Variants in NFIL3 observed in about 807,000 individuals in gnomAD.
The protein encoded by NFIL3 is nuclear factor, interleukin 3 regulated.
In NFIL3, 5 loss-of-function variants were observed where a neutral mutation model predicts 10.0. That is an observed-to-expected ratio of 0.50 (90% CI 0.26 to 1.06). The LOEUF (loss-of-function observed/expected upper bound fraction) is 1.06, where lower values mean the gene tolerates loss of function less well. Ranked by LOEUF, NFIL3 falls within the 50% of genes least tolerant of loss-of-function variation. The pLI is 0.13. For synonymous variants in NFIL3, 202 were observed against 206.5 expected (o/e 0.98, Z 0.19); for missense variants, 436 against 547.6 (o/e 0.80, Z 2.03).
At chr9:91,446,828 C>T in the NFIL3 span, among the ~76,000 whole-genome samples, 264 of 149,800 alleles carry the variant, frequency 1.8e-3, 1 homozygote, top group South Asian at 0.018. Context: ...CTTTCTTTCT[C>T]TCTTTCAATG....
upstream of NFIL3, among the ~76,000 whole-genome samples, chr9:91,424,120 C>T (rs1250578142): frequency 6.6e-6 from 1 of 151,802 alleles, no homozygotes; most frequent in Admixed American, 6.6e-5. Context: ...ACGAGTGTTG[C>T]GCAACGGCCC....
At chr9:91,436,386 G>A in the NFIL3 span, among the ~76,000 whole-genome samples, 2 of 152,092 alleles carry the variant, frequency 1.3e-5, no homozygotes, top group African/African-American at 2.4e-5. Flanking sequence ...AGACCATCCC[G>A]GCTAACACGG....
the NFIL3 span, among the ~76,000 whole-genome samples, chr9:91,437,843 T>C: frequency 6.6e-6 from 1 of 152,256 alleles, no homozygotes; most frequent in Non-Finnish European, 1.5e-5. Context: ...GGATCTCCTT[T>C]TTTAAAGGCA....
chr9:91,418,729 A>G (rs1203375304), intron 1 of NFIL3, among the ~76,000 whole-genome samples: 1 of 152,228 alleles, frequency 6.6e-6, no homozygotes, highest in African/African-American at 2.4e-5. Flanking sequence ...TCTGAGTCCT[A>G]TGAAACTGAG....
chr9:91,475,376 T>C, the NFIL3 span, among the ~76,000 whole-genome samples: 4 of 152,226 alleles, frequency 2.6e-5, no homozygotes, highest in African/African-American at 7.2e-5. Context: ...TATATATGTA[T>C]GGGTATTCAT....
At chr9:91,427,852 C>A (rs1833887584), upstream of NFIL3, among the ~76,000 whole-genome samples, 3 of 151,936 alleles carry the variant, frequency 2.0e-5, no homozygotes, top group South Asian at 6.2e-4. Context: ...CTCTATGTTG[C>A]CCAGGCTGGT....
chr9:91,467,848 C>T, the NFIL3 span, among the ~76,000 whole-genome samples: 1 of 152,116 alleles, frequency 6.6e-6, no homozygotes, highest in African/African-American at 2.4e-5. Flanking sequence ...CATCCATGTC[C>T]CTATAAAAGA....
At chr9:91,474,056 C>T in the NFIL3 span, among the ~76,000 whole-genome samples, 2 of 151,124 alleles carry the variant, frequency 1.3e-5, no homozygotes. Flanking sequence ...GTTTCTCACC[C>T]TTATGTATCA....
At chr9:91,418,619 G>C (rs1011508274) in intron 1 of NFIL3, among the ~76,000 whole-genome samples, 3 of 152,122 alleles carry the variant, frequency 2.0e-5, no homozygotes, top group Admixed American at 1.3e-4. Context: ...CTTATTTGTA[G>C]TGTTTATTTG....
the NFIL3 span, among the ~76,000 whole-genome samples, chr9:91,460,196 C>CCAGGGGAG: frequency 2.0e-5 from 3 of 150,762 alleles, no homozygotes; most frequent in Admixed American, 6.6e-5. Context: ...GAGTGAGGGA[C>CCAGGGGAG]CAGGGGAGTG....
At chr9:91,418,956 A>T (rs1350632801) in intron 1 of NFIL3, among the ~76,000 whole-genome samples, 1 of 152,098 alleles carries the variant, frequency 6.6e-6, no homozygotes, top group East Asian at 1.9e-4. Flanking sequence ...AAAAATTCAT[A>T]TTGTAATGTC....
At chr9:91,466,481 A>G in the NFIL3 span, among the ~76,000 whole-genome samples, 1 of 152,220 alleles carries the variant, frequency 6.6e-6, no homozygotes, top group African/African-American at 2.4e-5. Flanking sequence ...TGTTATGGAT[A>G]TGTATGTTTG....
upstream of NFIL3, among the ~76,000 whole-genome samples, chr9:91,427,622 G>T (rs1159412665): frequency 2.1e-4 from 4 of 18,944 alleles, no homozygotes; most frequent in African/African-American, 1.4e-3. Flanking sequence ...TACCGTTTTT[G>T]TTGTTGTTGT....
intron 1 of NFIL3, among the ~76,000 whole-genome samples, chr9:91,414,774 G>C (rs955964779): frequency 6.6e-6 from 1 of 152,210 alleles, no homozygotes; most frequent in African/African-American, 2.4e-5. Flanking sequence ...ATGATACGGA[G>C]ACAGGCACAA....
chr9:91,466,934 T>C, the NFIL3 span, among the ~76,000 whole-genome samples: 1 of 152,150 alleles, frequency 6.6e-6, no homozygotes, highest in African/African-American at 2.4e-5. Context: ...AGACTTTGAG[T>C]ACAGTAGAAT....
the NFIL3 span, among the ~76,000 whole-genome samples, chr9:91,478,602 G>A: frequency 4.6e-5 from 7 of 151,966 alleles, no homozygotes; most frequent in South Asian, 2.1e-4. Flanking sequence ...CCTTTAGCTC[G>A]GAGGAGTTTG....
chr9:91,468,241 A>C, the NFIL3 span, among the ~76,000 whole-genome samples: 1 of 152,202 alleles, frequency 6.6e-6, no homozygotes, highest in Non-Finnish European at 1.5e-5. Context: ...AACTGGCGTG[A>C]GATGGTATCT....
the NFIL3 span, among the ~76,000 whole-genome samples, chr9:91,465,878 A>T: frequency 6.6e-3 from 1,010 of 152,160 alleles, 10 homozygotes; most frequent in African/African-American, 0.023. Flanking sequence ...ACCTTTCATA[A>T]GTACTTTTCT....
rs773631235 is a variant in NFIL3, at chr9:91,409,615, C to T, written c.1120G>A (p.Val374Ile). ...ELEKHSAPSM[V>I]HSSLTPFSVQ... ...GAGAAAGGAGTAAGAGAAGAATGTA[C>T]CATACTTGGGGCACTATGCTTTTCG... The change falls in exon 2 of 2, where the codon GTA becomes ATA. Residue 374 changes from valine (V) to isoleucine (I), a missense_variant. Physicochemically the swap from Val to Ile is conservative, Grantham distance 29. This residue lies in a region of NFIL3 where 338 missense variants were observed against 399.9 expected (regional missense o/e 0.85). Coordinates refer to ENST00000297689, the MANE Select transcript of NFIL3 (RefSeq NM_005384.3). The T allele has an allele frequency of 1.2e-6, 2 of 1,614,056 alleles. No homozygotes were observed. The highest frequency in any genetic ancestry group is 2.7e-5 in the African/African-American group (2 of 74,924).
Sources: gnomAD v4.1 joint callset for allele counts (sites outside exome capture counted in the v4.1 genomes callset) on GRCh38, gnomAD v4.1.1 for gene constraint, gnomAD v4.1.1 regional missense constraint, MANE v1.5 for transcripts, NCBI Gene and HGNC (gene_info 2026-07-23, HGNC 2026-07-21) for gene names.